Variants in ASPG observed in about 807,000 individuals in gnomAD.
ASPG encodes asparaginase.
Under a neutral mutation model 63.2 loss-of-function variants are expected in ASPG, and 53 were observed. The observed-to-expected ratio is 0.84, with a 90% CI of 0.67 to 1.05. ASPG has a LOEUF of 1.05. Among genes scored for constraint, ASPG ranks in the 50% least tolerant of loss-of-function variants. ASPG has a pLI of 0.00. For synonymous variants in ASPG, 370 were observed against 355.0 expected, an observed-to-expected ratio of 1.04 and a Z score of -0.48; for missense variants, 741 against 794.4, an observed-to-expected ratio of 0.93 and a Z score of 0.81.
chr14:104,102,658 C>T (rs2036930102), intron 6 of ASPG, among the ~76,000 whole-genome samples: 1 of 152,178 alleles, frequency 6.6e-6, no homozygotes, highest in South Asian at 2.1e-4. Flanking sequence ...GAATGGACCT[C>T]AGCCTTGGCG....
At chr14:104,106,930 C>A in intron 11 of ASPG, 36 bp downstream of exon 11, 1 of 1,536,392 alleles carries the variant, frequency 6.5e-7, no homozygotes, top group Non-Finnish European at 8.8e-7. Context: ...CAGCCCCAGC[C>A]ACGCCTGGCC....
intron 1 of ASPG, 22 bp downstream of exon 1, chr14:104,085,874 G>T: frequency 6.4e-7 from 1 of 1,571,784 alleles, no homozygotes; most frequent in Non-Finnish European, 8.6e-7. Flanking sequence ...ACCCTGGGCG[G>T]GGTAGGCCTC....
intron 11 of ASPG, 85 bp from the exon 12 acceptor site, chr14:104,107,097 C>G (rs1198289609): frequency 2.0e-6 from 3 of 1,484,264 alleles, no homozygotes; most frequent in African/African-American, 2.8e-5. Context: ...TGGGCCCTAC[C>G]CTCAGAGGGA....
At chr14:104,100,666 C>CTG (rs767130800) in intron 6 of ASPG, among the ~76,000 whole-genome samples, 40 of 152,342 alleles carry the variant, frequency 2.6e-4, no homozygotes, top group Middle Eastern at 6.8e-3. Flanking sequence ...AGTGTGTCTA[C>CTG]TGTGTGTGCA....
chr14:104,108,456 C>T (rs2037242160), intron 12 of ASPG: 1 of 985,438 alleles, frequency 1.0e-6, no homozygotes, highest in Non-Finnish European at 1.2e-6. Flanking sequence ...TGCCAGGCTC[C>T]CTGAGGCCGC....
intron 6 of ASPG, among the ~76,000 whole-genome samples, chr14:104,100,175 C>T (rs977545635): frequency 6.6e-6 from 1 of 152,144 alleles, no homozygotes; most frequent in Non-Finnish European, 1.5e-5. Context: ...TGGAAGAATC[C>T]CCAGACACAG....
chr14:104,090,295 G>A (rs2036330220), intron 1 of ASPG, among the ~76,000 whole-genome samples: 1 of 152,242 alleles, frequency 6.6e-6, no homozygotes, highest in Admixed American at 6.5e-5. Context: ...TGAGTCAGCA[G>A]CAGCTGGAGG....
chr14:104,086,602 A>G (rs556784142), intron 1 of ASPG, among the ~76,000 whole-genome samples: 1 of 152,060 alleles, frequency 6.6e-6, no homozygotes, highest in South Asian at 2.1e-4. Flanking sequence ...GTTGCACTGG[A>G]GCCTCCAGAA....
rs911392422 is a variant in ASPG at position 104,112,829 on chromosome 14, G to A, written c.*285G>A. On this transcript the variant is annotated 3_prime_UTR_variant, in exon 16 of 16. Transcript: ENST00000551177. ...CGGGGGTCACTTGGCCCATCCTTCC[G>A]GGGGCAGCTGTGCGTGTGAGCTGGG... 20 of 547,664 alleles carry A rather than the reference G, an allele frequency of 3.7e-5. No individual in the cohort carries two copies. Among genetic ancestry groups the A allele is most frequent in the African/African-American group, 1.3e-4 (7 of 52,310 alleles). The allele number at this position is 547,664 out of a possible 1,614,324, so 33.9% of individuals were successfully genotyped here.
rs1596063808 is a variant in ASPG at position 104,091,106 on chromosome 14, T to A, written c.83-1527T>A. 6.6e-6 allele frequency among the ~76,000 whole-genome samples: 1 copy of A among 151,940 alleles called. No homozygotes were observed. On this transcript the variant is annotated intron_variant, in intron 1 of 15. Coordinates refer to ENST00000551177, the MANE Select transcript of ASPG (RefSeq NM_001080464.3). The surrounding 1 kb of genome is among the most constrained non-coding windows in gnomAD (Gnocchi z 6.4). ...GTCTTGAATTCCAGACCTCAAGCAA[T>A]CTGACACCTCGGCCACCCAAAGTGC...
rs1432652273 is a variant in ASPG, at chr14:104,111,465, C to T, written c.1521-37C>T. On this transcript the variant is annotated intron_variant, in intron 13 of 15. Coordinates refer to ENST00000551177, the MANE Select transcript of ASPG (RefSeq NM_001080464.3). ...CGTGGGCAGATGGACAGGTGCCCAGCAGGCCCCAACAACTCCTCCTCTGCC... is the reference window on the plus strand; with the variant it reads ...CGTGGGCAGATGGACAGGTGCCCAGTAGGCCCCAACAACTCCTCCTCTGCC... 5 of 1,493,662 alleles carry T rather than the reference C, an allele frequency of 3.3e-6. No homozygotes were observed. In the South Asian group the frequency reaches 6.1e-5, roughly 18 times the overall value. 92.5% of individuals were successfully genotyped at this position (1,493,662 alleles called of 1,614,324 possible). A position where few individuals can be genotyped will look rare whatever the true frequency, so the allele number is the denominator to read the frequency against.
Position 104,104,292 on chromosome 14 carries a change from A to G in ASPG, c.754-12A>G. On this transcript the variant is annotated splice_polypyrimidine_tract_variant and intron_variant, in intron 7 of 15. Transcript: ENST00000551177. ...ACCCTCACCATCCAGCCCCCACCCCACCGCCCCACAGGTTCGGGCCTTCTT... is the reference window on the plus strand; with the variant it reads ...ACCCTCACCATCCAGCCCCCACCCCGCCGCCCCACAGGTTCGGGCCTTCTT... 6.2e-7 allele frequency: 1 copy of G among 1,606,042 alleles called. No homozygotes were observed. The highest frequency in any genetic ancestry group is 8.5e-7 in the Non-Finnish European group (1 of 1,175,740).
chr14:104,094,909 G>T (rs966204334), intron 3 of ASPG, among the ~76,000 whole-genome samples: 4 of 152,190 alleles, frequency 2.6e-5, no homozygotes, highest in African/African-American at 9.7e-5. Flanking sequence ...TGGCCCCCCG[G>T]GCAGGCCCAG....
At position 104,109,267 on chromosome 14, in the gene ASPG, C is replaced by A. The variant is rs371453682; in HGVS notation, c.1472C>A (p.Ala491Asp). Residue 491 changes from alanine to aspartate, a missense_variant, in exon 13 of 16, where the codon GCC becomes GAC. Physicochemically the swap from Ala to Asp is moderately radical, Grantham distance 126 (BLOSUM62 -2). Coordinates refer to ENST00000551177, the MANE Select transcript of ASPG (RefSeq NM_001080464.3). This position sits in a 1 kb window ranked among gnomAD's most constrained non-coding sequence, Gnocchi z 4.8. ...ATTGGGTTGCTGCGGGAAGCCGGGG[C>A]CTCCCTGTCCACCCAGGAGCTGGAG... Reference protein sequence around the residue: ...GVIGLLREAGASLSTQELEEA... With the variant: ...GVIGLLREAGDSLSTQELEEA... 6 of 1,612,996 alleles carry A rather than the reference C, an allele frequency of 3.7e-6. No individual in the cohort carries two copies. Among genetic ancestry groups the A allele is most frequent in the Non-Finnish European group, 5.1e-6 (6 of 1,179,746 alleles).
At chr14:104,095,685 A>G (rs1596075014) in intron 4 of ASPG, 29 bp downstream of exon 4, 1 of 1,611,168 alleles carries the variant, frequency 6.2e-7, no homozygotes. Flanking sequence ...GGCTCCTAGG[A>G]ACAGGGGCTT....
At chr14:104,097,200 T>C (rs2036633269) in intron 4 of ASPG, among the ~76,000 whole-genome samples, 1 of 152,120 alleles carries the variant, frequency 6.6e-6, no homozygotes, top group Non-Finnish European at 1.5e-5. Flanking sequence ...CTCTTGGACC[T>C]GTAGAGGGAG....
In ASPG at chr14:104,098,869, A is replaced by G. The variant is rs371838478; in HGVS notation, c.530A>G (p.Gln177Arg). ...TTCCCGCAGGTCTGCCTTTTCTTCC[A>G]GAATCAGCTGTTTCGGGGCAACCGG... ...YVIPEVCLFF[Q>R]NQLFRGNRAT... is the part of the protein sequence containing the mutation. Residue 177 changes from glutamine to arginine, a missense_variant, in exon 6 of 16, where the codon CAG becomes CGG. Transcript: ENST00000551177. 146 of 1,612,952 alleles carry G rather than the reference A, an allele frequency of 9.1e-5. No individual in the cohort carries two copies. Among genetic ancestry groups the G allele is most frequent in the Non-Finnish European group, 1.1e-5 (13 of 1,179,742 alleles).
chr14:104,104,012 A>G (rs1380450196), intron 7 of ASPG, among the ~76,000 whole-genome samples: 2 of 152,156 alleles, frequency 1.3e-5, no homozygotes, highest in African/African-American at 4.8e-5. Context: ...GGGGCCTCTG[A>G]TGGCCTTCTT....
rs1226726575 is a variant in ASPG, at chr14:104,112,011, A to G, written c.1701+11A>G. The G allele has an allele frequency of 1.9e-6, 3 of 1,549,068 alleles. No homozygotes were observed. The highest frequency in any genetic ancestry group is 8.7e-7 in the Non-Finnish European group (1 of 1,145,642). On this transcript the variant is annotated intron_variant, in intron 15 of 15. Transcript: ENST00000551177. ...CAGGCCCCATGCCCAGTAAGTCCCCACCCCAGGCGGGGCTGACACCCCCCA... is the reference window on the plus strand; with the variant it reads ...CAGGCCCCATGCCCAGTAAGTCCCCGCCCCAGGCGGGGCTGACACCCCCCA...
Sources: gnomAD v4.1 joint callset for allele counts (sites outside exome capture counted in the v4.1 genomes callset) on GRCh38, gnomAD v4.1.1 for gene constraint, Gnocchi (gnomAD v3.1) non-coding constraint, MANE v1.5 for transcripts, NCBI Gene and HGNC (gene_info 2026-07-23, HGNC 2026-07-21) for gene names.